The following ADAMTSL3 variants were observed in gnomAD, a reference collection of about 807,000 sequenced individuals.
ADAMTSL3 encodes ADAMTS like 3.
Under a neutral mutation model 201.7 loss-of-function variants are expected in ADAMTSL3, and 128 were observed. The ratio of observed to expected loss-of-function variants is 0.63; its 90% confidence interval spans 0.55 to 0.73. The LOEUF (loss-of-function observed/expected upper bound fraction) is 0.73. Among genes scored for constraint, ADAMTSL3 ranks in the 30% least tolerant of loss-of-function variants. The probability of loss-of-function intolerance (pLI) is 0.00; values close to 1 mark genes in which losing one functional copy is unlikely to be tolerated. For synonymous variants in ADAMTSL3, 738 were observed against 748.4 expected, an observed-to-expected ratio of 0.99 and a Z score of 0.23; for missense variants, 1,990 against 2,119.6, an observed-to-expected ratio of 0.94 and a Z score of 1.20.
chr15:83,982,246 TTTTC>T, intron 20 of ADAMTSL3, 23 bp from the exon 21 acceptor site: 6 of 1,534,244 alleles, frequency 3.9e-6, no homozygotes, highest in East Asian at 4.5e-5. Flanking sequence ...TCGTATTTTC[TTTTC>T]TTTCTTTTTT....
intron 19 of ADAMTSL3, among the ~76,000 whole-genome samples, chr15:83,952,558 T>C (rs1194821452): frequency 6.6e-6 from 1 of 152,180 alleles, no homozygotes; most frequent in African/African-American, 2.4e-5. Flanking sequence ...CAAGCTATCA[T>C]TGTATTGAGG....
intron 3 of ADAMTSL3, among the ~76,000 whole-genome samples, chr15:83,725,943 T>C (rs1225545054): frequency 2.0e-5 from 3 of 152,154 alleles, no homozygotes; most frequent in Admixed American, 1.3e-4. Flanking sequence ...GTCATTGATA[T>C]TTTGATATGG....
At chr15:83,674,238 A>G (rs898325235) in intron 2 of ADAMTSL3, among the ~76,000 whole-genome samples, 3 of 151,854 alleles carry the variant, frequency 2.0e-5, no homozygotes, top group Admixed American at 1.3e-4. Flanking sequence ...ATTTAAGTAA[A>G]TGATCCATTT....
chr15:83,955,801 A>G (rs2066850739), intron 19 of ADAMTSL3, among the ~76,000 whole-genome samples: 1 of 151,854 alleles, frequency 6.6e-6, no homozygotes, highest in African/African-American at 2.4e-5. Context: ...ACAAAGTACA[A>G]AGTCCTCTTG....
At chr15:83,864,772 C>G (rs1279873472) in intron 8 of ADAMTSL3, among the ~76,000 whole-genome samples, 16 of 152,026 alleles carry the variant, frequency 1.1e-4, no homozygotes, top group South Asian at 4.2e-4. Context: ...AGGGCAATCA[C>G]GCAGGAGAAA....
intron 2 of ADAMTSL3, among the ~76,000 whole-genome samples, chr15:83,678,555 T>G (rs1380122536): frequency 6.6e-6 from 1 of 151,620 alleles, no homozygotes; most frequent in African/African-American, 2.4e-5. Flanking sequence ...TAGCTGATTT[T>G]TAGATTTTTG....
chr15:84,035,813 A>G (rs908579615), intron 28 of ADAMTSL3, among the ~76,000 whole-genome samples: 1 of 152,176 alleles, frequency 6.6e-6, no homozygotes, highest in Non-Finnish European at 1.5e-5. Flanking sequence ...AAGAAATGGG[A>G]AGTCATTGTT....
At chr15:83,778,796 T>C (rs1286942260) in intron 4 of ADAMTSL3, among the ~76,000 whole-genome samples, 1 of 152,160 alleles carries the variant, frequency 6.6e-6, no homozygotes, top group African/African-American at 2.4e-5. Context: ...GTGGGCTAAA[T>C]GCCCCAATTA....
chr15:83,737,646 A>G (rs546695636), intron 3 of ADAMTSL3, among the ~76,000 whole-genome samples: 38 of 152,328 alleles, frequency 2.5e-4, no homozygotes, highest in African/African-American at 8.7e-4. Context: ...GCAGTGTGAG[A>G]ATGGACTAAT....
At chr15:83,997,934 G>C (rs1301506388) in intron 23 of ADAMTSL3, among the ~76,000 whole-genome samples, 1 of 151,718 alleles carries the variant, frequency 6.6e-6, no homozygotes, top group Non-Finnish European at 1.5e-5. Flanking sequence ...AAAAGTAAAT[G>C]TAGAAAAAGT....
At chr15:83,720,473 TTTA>T (rs1305995786) in intron 3 of ADAMTSL3, among the ~76,000 whole-genome samples, 1 of 152,226 alleles carries the variant, frequency 6.6e-6, no homozygotes, top group East Asian at 1.9e-4. Context: ...TGTGCAGTAA[TTTA>T]AAGTTTAATT....
At position 83,825,785 on chromosome 15, in the gene ADAMTSL3, G is replaced by C. The variant is rs568203273; in HGVS notation, c.600+5738G>C. ...AGAAGGGACAGGAATGTAACAGCAGGTGCAGATGTGTTTAAGGTCCAGGAG... is the reference window on the plus strand; with the variant it reads ...AGAAGGGACAGGAATGTAACAGCAGCTGCAGATGTGTTTAAGGTCCAGGAG... On this transcript the variant is annotated intron_variant, in intron 6 of 29. Transcript: ENST00000286744. Among the ~76,000 whole-genome samples, 29 of 152,110 alleles carry C rather than the reference G, an allele frequency of 1.9e-4. No individual in the cohort carries two copies. The South Asian group carries it at 4.4e-3, about 23-fold the overall frequency.
chr15:83,798,806 C>CA (rs11340224), intron 4 of ADAMTSL3, among the ~76,000 whole-genome samples: 10,565 of 76,070 alleles, frequency 0.14, 1,268 homozygotes, highest in South Asian at 0.2. Context: ...GACTCCGTCT[C>CA]AAAAAAAAAA....
intron 2 of ADAMTSL3, among the ~76,000 whole-genome samples, chr15:83,680,780 TA>T (rs1163088829): frequency 6.6e-6 from 1 of 152,080 alleles, no homozygotes; most frequent in African/African-American, 2.4e-5. Flanking sequence ...TTCCTTTCAT[TA>T]TTTTTTTATA....
intron 5 of ADAMTSL3, among the ~76,000 whole-genome samples, chr15:83,806,225 G>A (rs1336729719): frequency 6.8e-6 from 1 of 147,656 alleles, no homozygotes; most frequent in Non-Finnish European, 1.5e-5. Flanking sequence ...AAGTCCACAT[G>A]GCACCCTTCC....
chr15:83,707,622 A>T (rs2061871273), intron 3 of ADAMTSL3, among the ~76,000 whole-genome samples: 1 of 152,216 alleles, frequency 6.6e-6, no homozygotes, highest in East Asian at 1.9e-4. Context: ...TTCAAGAAGT[A>T]ACCACCATTC....
chr15:83,697,225 C>A (rs1045174735), intron 2 of ADAMTSL3, among the ~76,000 whole-genome samples: 1 of 152,154 alleles, frequency 6.6e-6, no homozygotes. Flanking sequence ...TTACATCAAT[C>A]TGAGAAATAG....
At chr15:83,880,930 G>C (rs891668233) in intron 9 of ADAMTSL3, among the ~76,000 whole-genome samples, 1 of 151,578 alleles carries the variant, frequency 6.6e-6, no homozygotes, top group African/African-American at 2.4e-5. Flanking sequence ...CACTTTTTTG[G>C]GTTGTCATTA....
At chr15:83,717,692 T>TA (rs1268204479) in intron 3 of ADAMTSL3, among the ~76,000 whole-genome samples, 1 of 152,066 alleles carries the variant, frequency 6.6e-6, no homozygotes, top group Non-Finnish European at 1.5e-5. Context: ...TCCCTAAGAA[T>TA]AAAAAATAAA....
Sources: allele counts gnomAD v4.1 joint callset (sites outside exome capture counted in the v4.1 genomes callset), GRCh38; gene constraint gnomAD v4.1.1; transcripts MANE v1.5; gene names NCBI Gene and HGNC (gene_info 2026-07-23, HGNC 2026-07-21).